The following CEMIP variants were observed in gnomAD, a reference collection of about 807,000 sequenced individuals.
The protein encoded by CEMIP is cell migration inducing hyaluronidase 1.
CEMIP carries 105 observed loss-of-function variants against 156.9 expected under a neutral mutation model. The observed-to-expected ratio is 0.67, with a 90% confidence interval of 0.57 to 0.79. The LOEUF (loss-of-function observed/expected upper bound fraction) is 0.79. Among genes scored for constraint, CEMIP ranks in the 30% least tolerant of loss-of-function variants. The probability of loss-of-function intolerance (pLI) is 0.00; values close to 1 mark genes in which losing one functional copy is unlikely to be tolerated. For missense variants in CEMIP, 1,457 were observed against 1,769.4 expected (o/e 0.82, Z 3.17); for synonymous variants, 676 against 668.4 (o/e 1.01, Z -0.17).
chr15:80,855,805 G>C (rs189444066), intron 1 of CEMIP, among the ~76,000 whole-genome samples: 3 of 152,322 alleles, frequency 2.0e-5, no homozygotes, highest in East Asian at 3.9e-4. Context: ...TTACAGGTGT[G>C]AGCCACCGCA....
At chr15:80,808,658 A>G (rs1896576892) in intron 1 of CEMIP, among the ~76,000 whole-genome samples, 1 of 152,162 alleles carries the variant, frequency 6.6e-6, no homozygotes, top group African/African-American at 2.4e-5. Context: ...AAAAAACAAC[A>G]GAAAAAATTG....
chr15:80,881,147 C>T lies in CEMIP; in HGVS notation c.617+11C>T, dbSNP rs371569397. 246 of 1,608,918 alleles carry T rather than the reference C, an allele frequency of 1.5e-4. No homozygotes were observed. Among genetic ancestry groups the T allele is most frequent in the Non-Finnish European group, 2.0e-4 (236 of 1,175,378 alleles). ...CATCCATTCTGACCGGTAAGGTTTG[C>T]CTTCACTTAAACGTATACTCATTCA... On this transcript the variant is annotated intron_variant, in intron 6 of 29. Transcript: ENST00000394685.
At chr15:80,865,716 A>ATTC (rs575061905) in intron 1 of CEMIP, among the ~76,000 whole-genome samples, 1 of 150,522 alleles carries the variant, frequency 6.6e-6, no homozygotes, top group Non-Finnish European at 1.5e-5. Flanking sequence ...GCCCAAGACA[A>ATTC]TTCTTCTTCT....
At chr15:80,850,286 C>CTCCT (rs1555430325) in intron 1 of CEMIP, among the ~76,000 whole-genome samples, 21 of 151,790 alleles carry the variant, frequency 1.4e-4, no homozygotes, top group Non-Finnish European at 2.7e-4. Flanking sequence ...TTGTCATCTT[C>CTCCT]TTTTTTTTGA....
rs972915544 is a variant in CEMIP, at chr15:80,947,001, C to T, written c.3894C>T (p.Val1298=). Residue 1298 remains valine, a synonymous_variant, in exon 29 of 30, where the codon GTC becomes GTT. Coordinates refer to ENST00000394685, the MANE Select transcript of CEMIP (RefSeq NM_001293298.2). ...TTATGGCATCAAAGGGAAGATACGT[C>T]TCCAGAGGCCCATGGACCAGAGTGC... ...IVLMASKGRY[V]SRGPWTRVLE... 1.9e-6 allele frequency: 3 copies of T among 1,614,052 alleles called. No homozygotes were observed. The highest frequency in any genetic ancestry group is 2.5e-6 in the Non-Finnish European group (3 of 1,179,894).
intron 1 of CEMIP, among the ~76,000 whole-genome samples, chr15:80,858,389 A>T (rs543985162): frequency 1.1e-4 from 17 of 152,322 alleles, no homozygotes; most frequent in African/African-American, 3.4e-4. Context: ...TAATTAAATA[A>T]ACGCTTTATG....
chr15:80,891,712 T>C (rs1899038061), intron 10 of CEMIP, among the ~76,000 whole-genome samples: 1 of 152,182 alleles, frequency 6.6e-6, no homozygotes, highest in Non-Finnish European at 1.5e-5. Flanking sequence ...CAAACCTCCA[T>C]CTCTACCGAA....
chr15:80,889,621 T>C lies in CEMIP; in HGVS notation c.1086+29T>C, dbSNP rs201727618. The C allele has an allele frequency of 1.9e-6, 3 of 1,612,778 alleles. No homozygotes were observed. The African/African-American group carries it at 4.0e-5, about 22-fold the overall frequency. ...CCAAACTCACAGCAAAAATAGAAAATAGAAATGTGTTGTTTTGAAGAAGAC... is the reference window on the plus strand; with the variant it reads ...CCAAACTCACAGCAAAAATAGAAAACAGAAATGTGTTGTTTTGAAGAAGAC... On this transcript the variant is annotated intron_variant, in intron 10 of 29. Transcript: ENST00000394685.
intron 1 of CEMIP, among the ~76,000 whole-genome samples, chr15:80,844,100 C>T (rs1324287452): frequency 6.6e-6 from 1 of 152,252 alleles, no homozygotes; most frequent in Non-Finnish European, 1.5e-5. Flanking sequence ...GAAGGCAGAG[C>T]ACTAAGGCTG....
intron 19 of CEMIP, among the ~76,000 whole-genome samples, chr15:80,928,118 G>C (rs1900762751): frequency 6.6e-6 from 1 of 152,154 alleles, no homozygotes; most frequent in Non-Finnish European, 1.5e-5. Flanking sequence ...GAGCCTGGCA[G>C]GGTGGACAGG....
chr15:80,889,669 G>C (rs1374350072), intron 10 of CEMIP, 77 bp downstream of exon 10: 1 of 1,575,738 alleles, frequency 6.3e-7, no homozygotes, highest in African/African-American at 1.3e-5. Flanking sequence ...AGACATTCTT[G>C]TCACTTGGGT....
chr15:80,913,726 T>C (rs1460852451), intron 14 of CEMIP, among the ~76,000 whole-genome samples: 1 of 152,258 alleles, frequency 6.6e-6, no homozygotes, highest in Non-Finnish European at 1.5e-5. Context: ...TAAACATCGC[T>C]GGTTCTGTGA....
chr15:80,787,400 G>A (rs1458591015), intron 1 of CEMIP, among the ~76,000 whole-genome samples: 2 of 152,188 alleles, frequency 1.3e-5, no homozygotes, highest in Non-Finnish European at 2.9e-5. Flanking sequence ...TCCAGGATGG[G>A]CATTTGCAGT....
At chr15:80,876,779 C>A (rs1435285740) in intron 3 of CEMIP, among the ~76,000 whole-genome samples, 1 of 152,180 alleles carries the variant, frequency 6.6e-6, no homozygotes, top group Non-Finnish European at 1.5e-5. Context: ...GAGCTTCCTT[C>A]CAGTTTTCCT....
intron 14 of CEMIP, among the ~76,000 whole-genome samples, chr15:80,909,981 T>A (rs2141895953): frequency 6.6e-6 from 1 of 152,350 alleles, no homozygotes; most frequent in East Asian, 1.9e-4. Flanking sequence ...TTTGAACATT[T>A]TTACACTAAA....
intron 1 of CEMIP, among the ~76,000 whole-genome samples, chr15:80,833,527 G>A (rs879804798): frequency 6.6e-6 from 1 of 152,144 alleles, no homozygotes; most frequent in Non-Finnish European, 1.5e-5. Flanking sequence ...TGAGAACCAA[G>A]CAACTCATTA....
Position 80,829,965 on chromosome 15 carries a change from GGT to G in CEMIP, c.-175-43537_-175-43536del, listed in dbSNP as rs370594946. On this transcript the variant is annotated intron_variant, in intron 1 of 29. Coordinates refer to ENST00000394685, the MANE Select transcript of CEMIP (RefSeq NM_001293298.2). ...CTAGTACCATAGAAGGGAGGTAGCG[GGT>G]GTGTGTGTGTGTGTGTGTGTGTGTG... Among the ~76,000 whole-genome samples the G allele has an allele frequency of 8.7e-3, 1,160 of 133,752 alleles. 12 individuals carry two copies. The highest frequency in any genetic ancestry group is 0.022 in the African/African-American group (756 of 34,392). 87.7% of individuals were successfully genotyped at this position (133,752 alleles called of 152,430 possible). A position where few individuals can be genotyped will look rare whatever the true frequency, so the allele number is the denominator to read the frequency against.
At chr15:80,787,059 G>A (rs1596087203) in intron 1 of CEMIP, among the ~76,000 whole-genome samples, 2 of 152,148 alleles carry the variant, frequency 1.3e-5, no homozygotes, top group South Asian at 2.1e-4. Context: ...GCAGGGTTGC[G>A]GGTGGTGGCT....
chr15:80,937,740 G>C, intron 24 of CEMIP, 54 bp from the exon 25 acceptor site: 1 of 1,556,288 alleles, frequency 6.4e-7, no homozygotes, highest in African/African-American at 1.4e-5. Flanking sequence ...ATGCTCCAAA[G>C]GCCCTGTGGC....
Sources: allele counts gnomAD v4.1 joint callset (sites outside exome capture counted in the v4.1 genomes callset), GRCh38; gene constraint gnomAD v4.1.1; transcripts MANE v1.5; gene names NCBI Gene and HGNC (gene_info 2026-07-23, HGNC 2026-07-21).